The following ABCA13 variants were observed in gnomAD, a reference collection of about 807,000 sequenced individuals.
ABCA13 encodes ATP binding cassette subfamily A member 13.
ABCA13 carries 476 observed loss-of-function variants against 478.7 expected under a neutral mutation model. The observed-to-expected ratio is 0.99, with a 90% CI of 0.92 to 1.07. The LOEUF (loss-of-function observed/expected upper bound fraction) is 1.07, where lower values mean the gene tolerates loss of function less well. Ranked by LOEUF, ABCA13 falls within the 50% of genes least tolerant of loss-of-function variation. The pLI, the probability that ABCA13 is intolerant of heterozygous loss-of-function variation, is 0.00. For missense variants in ABCA13, 6,060 were observed against 5,910.6 expected, an observed-to-expected ratio of 1.03 and a Z score of -0.83; for synonymous variants, 2,252 against 2,158.9, an observed-to-expected ratio of 1.04 and a Z score of -1.20.
intron 48 of ABCA13, among the ~76,000 whole-genome samples, chr7:48,505,925 A>G (rs188573264): frequency 1.3e-5 from 2 of 152,330 alleles, no homozygotes; most frequent in East Asian, 3.9e-4. Context: ...CTATCTATCT[A>G]GATGTGGCTT....
At chr7:48,340,284 T>C (rs1806937648) in intron 29 of ABCA13, among the ~76,000 whole-genome samples, 1 of 152,046 alleles carries the variant, frequency 6.6e-6, no homozygotes, top group Admixed American at 6.5e-5. Context: ...TTTTTGTATT[T>C]TTAGTAGAGA....
In ABCA13 at chr7:48,198,335, G is replaced by T. The variant is rs572494260; in HGVS notation, c.262G>T (p.Glu88Ter). The change falls in exon 3 of 62, where the codon GAA (glutamate) becomes TAA (stop). Residue 88 changes from glutamate (E) to a stop codon, truncating the protein, a stop_gained. Transcript: ENST00000435803. LOFTEE classifies it high-confidence loss of function. ...ATCAAGGTGTAGGAACTTCAGCTAT[G>T]AAGGGTCAATGGAGCATCATTTTCG... ...TGSRCRNFSYEGSMEHHFRLS... is the reference protein window; with the variant it reads ...TGSRCRNFSY 4 of 1,613,792 alleles carry T rather than the reference G, an allele frequency of 2.5e-6. No homozygotes were observed. In the South Asian group the frequency reaches 4.4e-5, roughly 18 times the overall value.
Position 48,507,855 on chromosome 7 carries a change from C to G in ABCA13, c.13347-17C>G. The G allele has an allele frequency of 6.3e-7, 1 of 1,590,530 alleles. No individual in the cohort carries two copies. The highest frequency in any genetic ancestry group is 8.6e-7 in the Non-Finnish European group (1 of 1,166,828). On this transcript the variant is annotated splice_polypyrimidine_tract_variant and intron_variant, in intron 49 of 61. Transcript: ENST00000435803. ...TTCTTCGTCAGGTGCCTGAGAGCTGCTCTGTTCCACCCGCAGCCTGGAGAG... is the reference window on the plus strand; with the variant it reads ...TTCTTCGTCAGGTGCCTGAGAGCTGGTCTGTTCCACCCGCAGCCTGGAGAG...
rs1806102618 is a variant in ABCA13 at position 48,335,442 on chromosome 7, T to A, written c.10020T>A (p.Ile3340=). The A allele has an allele frequency of 1.2e-6, 2 of 1,611,802 alleles. No homozygotes were observed. Among genetic ancestry groups the A allele is most frequent in the Admixed American group, 1.7e-5 (1 of 59,766 alleles). ...VIQKANYTFY[I]VDKLKTLSET... is the part of the protein sequence containing the mutation. Reference sequence around the variant, plus strand: ...TGCAGGCTAATTACACCTTTTATATTGTGGACAAACTAAAAACTTTATCAG... The same window carrying A: ...TGCAGGCTAATTACACCTTTTATATAGTGGACAAACTAAAAACTTTATCAG... The change falls in exon 28 of 62, where the codon ATT becomes ATA. Residue 3340 remains isoleucine (I), a synonymous_variant. Transcript: ENST00000435803.
intron 1 of ABCA13, among the ~76,000 whole-genome samples, chr7:48,191,287 G>A (rs1010716082): frequency 3.2e-4 from 48 of 152,290 alleles, no homozygotes; most frequent in Non-Finnish European, 6.2e-4. Context: ...CATTTTCTTT[G>A]TTATCAGAAT....
At chr7:48,566,465 T>C (rs1787073978) in intron 55 of ABCA13, among the ~76,000 whole-genome samples, 1 of 152,180 alleles carries the variant, frequency 6.6e-6, no homozygotes, top group African/African-American at 2.4e-5. Flanking sequence ...AATATCAATA[T>C]GATTGACAGT....
intron 29 of ABCA13, among the ~76,000 whole-genome samples, chr7:48,339,758 G>A (rs1045972560): frequency 1.6e-4 from 25 of 152,146 alleles, no homozygotes; most frequent in Admixed American, 1.6e-3. Context: ...TCCGCCTGAC[G>A]CTAGAGATTG....
chr7:48,349,975 T>C (rs1481180187), intron 29 of ABCA13, among the ~76,000 whole-genome samples: 1 of 152,198 alleles, frequency 6.6e-6, no homozygotes, highest in East Asian at 1.9e-4. Flanking sequence ...TCTAGATCAT[T>C]TGGTTTTTCC....
chr7:48,461,065 G>A (rs934674686), intron 43 of ABCA13, among the ~76,000 whole-genome samples: 9 of 152,240 alleles, frequency 5.9e-5, no homozygotes, highest in African/African-American at 1.7e-4. Flanking sequence ...GTGAGAGGAC[G>A]AATGGAAAGT....
chr7:48,621,298 G>A lies in ABCA13; in HGVS notation c.14837+5921G>A, dbSNP rs147264476. Reference sequence around the variant, plus strand: ...ATCCTGCCTGCCAAAAGATCTGTTCGTAGAGTGTTTAATATCCACAATCTT... The same window carrying A: ...ATCCTGCCTGCCAAAAGATCTGTTCATAGAGTGTTTAATATCCACAATCTT... On this transcript the variant is annotated intron_variant, in intron 59 of 61. Coordinates refer to ENST00000435803, the MANE Select transcript of ABCA13 (RefSeq NM_152701.5). Among the ~76,000 whole-genome samples the A allele has an allele frequency of 2.8e-3, 428 of 152,164 alleles. 2 individuals carry two copies. The highest frequency in any genetic ancestry group is 9.9e-3 in the African/African-American group (409 of 41,514).
intron 26 of ABCA13, among the ~76,000 whole-genome samples, chr7:48,316,639 A>T (rs1383973961): frequency 6.6e-6 from 1 of 152,172 alleles, no homozygotes; most frequent in Non-Finnish European, 1.5e-5. Flanking sequence ...GTAAAGAAAG[A>T]GGTTTGTTTG....
At chr7:48,598,029 A>C (rs1790477936) in intron 58 of ABCA13, among the ~76,000 whole-genome samples, 1 of 152,190 alleles carries the variant, frequency 6.6e-6, no homozygotes, top group Non-Finnish European at 1.5e-5. Context: ...ATATCTAATA[A>C]GAATCCACCA....
At chr7:48,413,956 T>G (rs994404980) in intron 41 of ABCA13, among the ~76,000 whole-genome samples, 5 of 152,194 alleles carry the variant, frequency 3.3e-5, no homozygotes, top group Admixed American at 3.3e-4. Flanking sequence ...GGGTTTCTGA[T>G]AGTTAGTCAA....
chr7:48,406,291 C>T (rs1818247929), intron 39 of ABCA13, among the ~76,000 whole-genome samples: 1 of 152,184 alleles, frequency 6.6e-6, no homozygotes, highest in African/African-American at 2.4e-5. Context: ...TGCACTTGCT[C>T]TACAAATCCC....
intron 35 of ABCA13, among the ~76,000 whole-genome samples, chr7:48,386,596 A>T (rs1333524750): frequency 6.6e-6 from 1 of 152,206 alleles, no homozygotes; most frequent in Non-Finnish European, 1.5e-5. Context: ...ACCTACAACT[A>T]TGTGATCTTC....
chr7:48,411,069 CTTTTTCTTTCTTTCTCTCCTT>C (rs1363129850), intron 40 of ABCA13, among the ~76,000 whole-genome samples: 8,870 of 110,248 alleles, frequency 0.08, 1,174 homozygotes, highest in Middle Eastern at 0.17. Flanking sequence ...TTCTTTCTTT[CTTTTTCTTTCTTTCTCTCCTT>C]TCCTTTCCTT....
chr7:48,205,521 T>C (rs1348157312), intron 3 of ABCA13, among the ~76,000 whole-genome samples: 1 of 152,232 alleles, frequency 6.6e-6, no homozygotes, highest in African/African-American at 2.4e-5. Context: ...AATGTCTTGA[T>C]ATCTGAAGGA....
intron 4 of ABCA13, among the ~76,000 whole-genome samples, chr7:48,220,958 T>G (rs920740719): frequency 2.0e-5 from 3 of 152,170 alleles, no homozygotes; most frequent in Admixed American, 1.3e-4. Context: ...TTTCATTTAT[T>G]CCCTCTCTCC....
At chr7:48,628,338 T>C (rs1793857643) in intron 59 of ABCA13, among the ~76,000 whole-genome samples, 1 of 152,198 alleles carries the variant, frequency 6.6e-6, no homozygotes, top group Non-Finnish European at 1.5e-5. Context: ...GTCAGGGATA[T>C]GAATTTGCAA....
Sources: gnomAD v4.1 joint callset for allele counts (sites outside exome capture counted in the v4.1 genomes callset) on GRCh38, gnomAD v4.1.1 for gene constraint, MANE v1.5 for transcripts, NCBI Gene and HGNC (gene_info 2026-07-23, HGNC 2026-07-21) for gene names.